The following MAP2K6 variants were observed in gnomAD, a reference collection of about 807,000 sequenced individuals.
MAP2K6 encodes the protein dual specificity mitogen-activated protein kinase kinase 6.
In MAP2K6, 16 loss-of-function variants were observed where a neutral mutation model predicts 53.7. The observed-to-expected ratio is 0.30, with a 90% CI of 0.20 to 0.45. The LOEUF (loss-of-function observed/expected upper bound fraction) is 0.45. MAP2K6 is among the 20% of genes least tolerant of loss of function. The pLI, the probability that MAP2K6 is intolerant of heterozygous loss-of-function variation, is 1.00. For synonymous variants in MAP2K6, 132 were observed against 143.1 expected, an observed-to-expected ratio of 0.92 and a Z score of 0.55; for missense variants, 204 against 411.9, an observed-to-expected ratio of 0.50 and a Z score of 4.37.
intron 1 of MAP2K6, among the ~76,000 whole-genome samples, chr17:69,466,912 A>G (rs905968436): frequency 6.6e-6 from 1 of 152,232 alleles, no homozygotes. Flanking sequence ...TGGGAAATAT[A>G]TGCAGAGCTA....
intron 1 of MAP2K6, chr17:69,502,066 T>G: frequency 1.6e-6 from 1 of 640,462 alleles, no homozygotes; most frequent in Non-Finnish European, 1.9e-6. Context: ...GAGGCATTTA[T>G]AGAAAAGCTG....
At chr17:69,466,599 C>T (rs956221431) in intron 1 of MAP2K6, among the ~76,000 whole-genome samples, 2 of 152,224 alleles carry the variant, frequency 1.3e-5, no homozygotes, top group African/African-American at 4.8e-5. Context: ...ACTTTGCATT[C>T]CAAAGCAAAA....
intron 1 of MAP2K6, among the ~76,000 whole-genome samples, chr17:69,444,421 A>T (rs1906909823): frequency 6.6e-6 from 1 of 152,198 alleles, no homozygotes; most frequent in Non-Finnish European, 1.5e-5. Context: ...AATCCATCAA[A>T]AGAATTTGGT....
intron 1 of MAP2K6, among the ~76,000 whole-genome samples, chr17:69,471,093 T>C (rs1907967982): frequency 6.6e-6 from 1 of 152,214 alleles, no homozygotes; most frequent in Non-Finnish European, 1.5e-5. Flanking sequence ...TGATTGAGCA[T>C]ATATCTCAAA....
intron 1 of MAP2K6, among the ~76,000 whole-genome samples, chr17:69,450,731 A>T (rs1440460250): frequency 6.6e-6 from 1 of 152,010 alleles, no homozygotes; most frequent in Non-Finnish European, 1.5e-5. Flanking sequence ...TATTCATTAA[A>T]CACATCTCAT....
At chr17:69,507,398 G>C (rs1193853942) in intron 2 of MAP2K6, among the ~76,000 whole-genome samples, 1 of 151,938 alleles carries the variant, frequency 6.6e-6, no homozygotes, top group Non-Finnish European at 1.5e-5. Context: ...TGTAAGTCTT[G>C]CATAAGTACT....
In MAP2K6 at chr17:69,548,662, A is replaced by G. The variant is rs1354757427; in HGVS notation, c.*6909A>G. 2.0e-5 allele frequency: 3 copies of G among 152,202 alleles called. No individual in the cohort carries two copies. The highest frequency in any genetic ancestry group is 4.4e-5 in the Non-Finnish European group (3 of 68,030). 9.4% of individuals were successfully genotyped at this position (152,202 alleles called of 1,614,324 possible). ...TAAAACCTGAATTTCAGAGCCTTCA[A>G]AATGAAATTATCCTTCCAGGGGAAG... is the stretch of plus-strand genomic sequence containing the variant. On this transcript the variant is annotated 3_prime_UTR_variant, in exon 12 of 12. Transcript: ENST00000590474.
chr17:69,527,628 C>T (rs938983936), intron 10 of MAP2K6, among the ~76,000 whole-genome samples: 1 of 152,106 alleles, frequency 6.6e-6, no homozygotes, highest in African/African-American at 2.4e-5. Context: ...GCGTATTTGG[C>T]CATCCGGGAG....
At chr17:69,424,890 A>G (rs901127480) in intron 1 of MAP2K6, among the ~76,000 whole-genome samples, 4 of 152,200 alleles carry the variant, frequency 2.6e-5, no homozygotes, top group African/African-American at 9.6e-5. Flanking sequence ...GCTGATTACA[A>G]TTGGCCCACT....
intron 1 of MAP2K6, among the ~76,000 whole-genome samples, chr17:69,438,392 C>CA (rs1906714973): frequency 6.6e-6 from 1 of 152,182 alleles, no homozygotes; most frequent in South Asian, 2.1e-4. Flanking sequence ...TAATTCTTCA[C>CA]AAAAAATTAT....
intron 1 of MAP2K6, among the ~76,000 whole-genome samples, chr17:69,442,189 A>T (rs1440753908): frequency 6.6e-6 from 1 of 152,166 alleles, no homozygotes; most frequent in Non-Finnish European, 1.5e-5. Context: ...TAGTTTGATT[A>T]TTCCTTCTGT....
chr17:69,495,011 A>C (rs1908890914), intron 1 of MAP2K6, among the ~76,000 whole-genome samples: 1 of 152,080 alleles, frequency 6.6e-6, no homozygotes, highest in East Asian at 1.9e-4. Flanking sequence ...GTCTAGAAAA[A>C]AAACCAAAAA....
intron 1 of MAP2K6, among the ~76,000 whole-genome samples, chr17:69,450,104 T>A (rs1217912802): frequency 9.2e-5 from 3 of 32,500 alleles, no homozygotes; most frequent in Non-Finnish European, 1.7e-4. Context: ...CTGGCTAATT[T>A]TTTTTTTTTT....
chr17:69,508,047 T>TG (rs1339846511), intron 2 of MAP2K6, among the ~76,000 whole-genome samples: 2 of 64,406 alleles, frequency 3.1e-5, no homozygotes, highest in Non-Finnish European at 5.9e-5. Context: ...TGTAGTTTTT[T>TG]TTTTTTTTTT....
intron 4 of MAP2K6, 38 bp downstream of exon 4, chr17:69,517,651 G>C (rs752861541): frequency 2.1e-6 from 3 of 1,448,890 alleles, no homozygotes; most frequent in Non-Finnish European, 9.5e-7. Flanking sequence ...TATATCTGCT[G>C]TGTATACATT....
chr17:69,459,556 A>G (rs909629100), intron 1 of MAP2K6, among the ~76,000 whole-genome samples: 2 of 151,906 alleles, frequency 1.3e-5, no homozygotes, highest in Non-Finnish European at 2.9e-5. Context: ...AACTAAAGAT[A>G]CAAAAATTAG....
chr17:69,485,508 G>A (rs1187744035), intron 1 of MAP2K6: 2 of 967,046 alleles, frequency 2.1e-6, no homozygotes, highest in South Asian at 4.8e-5. Context: ...TTGAAACTAC[G>A]GGAACTCCTT....
At chr17:69,482,178 A>C (rs565109406) in intron 1 of MAP2K6, among the ~76,000 whole-genome samples, 1 of 152,234 alleles carries the variant, frequency 6.6e-6, no homozygotes, top group East Asian at 1.9e-4. Flanking sequence ...GATTCAGAAA[A>C]ATAACCTAGG....
At chr17:69,439,290 A>G (rs1451467635) in intron 1 of MAP2K6, among the ~76,000 whole-genome samples, 1 of 152,158 alleles carries the variant, frequency 6.6e-6, no homozygotes, top group Non-Finnish European at 1.5e-5. Flanking sequence ...CTTTTCTTAA[A>G]AAGATTGAGT....
Sources: allele counts gnomAD v4.1 joint callset (sites outside exome capture counted in the v4.1 genomes callset), GRCh38; gene constraint gnomAD v4.1.1; transcripts MANE v1.5; gene names NCBI Gene and HGNC (gene_info 2026-07-23, HGNC 2026-07-21).